Variants in DAPK2 observed in about 807,000 individuals in gnomAD.
The protein encoded by DAPK2 is death associated protein kinase 2.
A neutral mutation model predicts 44.1 loss-of-function variants in DAPK2; 35 were observed. The ratio of observed to expected loss-of-function variants is 0.79; its 90% CI spans 0.61 to 1.05. The LOEUF (loss-of-function observed/expected upper bound fraction) is 1.05, where lower values mean the gene tolerates loss of function less well. Among genes scored for constraint, DAPK2 ranks in the 50% least tolerant of loss-of-function variants. The pLI, the probability that DAPK2 is intolerant of heterozygous loss-of-function variation, is 0.00. For synonymous variants in DAPK2, 174 were observed against 182.6 expected (o/e 0.95, Z 0.38); for missense variants, 453 against 483.2 (o/e 0.94, Z 0.59).
At position 63,939,455 on chromosome 15, in the gene DAPK2, G is replaced by C. The variant is rs917369661; in HGVS notation, c.454-94C>G. 60 of 1,281,526 alleles carry C rather than the reference G, an allele frequency of 4.7e-5. No homozygotes were observed. The highest frequency in any genetic ancestry group is 6.2e-5 in the Non-Finnish European group (58 of 938,538). 79.4% of individuals were successfully genotyped at this position (1,281,526 alleles called of 1,614,324 possible). A position where few individuals can be genotyped will look rare whatever the true frequency, so the allele number is the denominator to read the frequency against. On this transcript the variant is annotated intron_variant, in intron 3 of 10. Transcript: ENST00000261891. The surrounding 1 kb of genome is among the most constrained non-coding windows in gnomAD (Gnocchi z 4.3). ...CTGGTTGGTTCGTGTTTTGGCTTTG[G>C]GGTTTGGGGTGGGACTTGGTGTTCT...
At chr15:63,937,477 G>C (rs1376920780) in intron 4 of DAPK2, among the ~76,000 whole-genome samples, 2 of 152,174 alleles carry the variant, frequency 1.3e-5, no homozygotes, top group East Asian at 3.8e-4. Flanking sequence ...CATTTGGAGT[G>C]GACAGTGACT....
At chr15:63,960,850 A>C (rs1402163860) in intron 3 of DAPK2, among the ~76,000 whole-genome samples, 1 of 129,106 alleles carries the variant, frequency 7.7e-6, no homozygotes, top group African/African-American at 2.8e-5. Context: ...AGTTCTGTAG[A>C]TGTCTATTAG....
At chr15:63,920,212 A>T (rs2079034049) in intron 8 of DAPK2, 1 of 152,324 alleles carries the variant, frequency 6.6e-6, no homozygotes, top group South Asian at 2.1e-4. Flanking sequence ...ACTGTTGGAC[A>T]TTACACTCTC....
intron 4 of DAPK2, among the ~76,000 whole-genome samples, chr15:63,934,749 G>A (rs1407389779): frequency 2.6e-5 from 4 of 152,100 alleles, no homozygotes; most frequent in African/African-American, 9.7e-5. Context: ...AGTAGAGGTG[G>A]GGTTTCACCA....
intron 1 of DAPK2, among the ~76,000 whole-genome samples, chr15:64,033,415 G>A (rs1398617032): frequency 6.6e-6 from 1 of 151,706 alleles, no homozygotes; most frequent in Non-Finnish European, 1.5e-5. Context: ...CATGATCCAC[G>A]GCACCTGGCC....
At chr15:64,029,419 G>T (rs991371135) in intron 1 of DAPK2, among the ~76,000 whole-genome samples, 1 of 152,058 alleles carries the variant, frequency 6.6e-6, no homozygotes, top group African/African-American at 2.4e-5. Context: ...CCCAAGCCTG[G>T]GCCTCTGCTC....
At chr15:64,043,584 C>A (rs2080393828), upstream of DAPK2, among the ~76,000 whole-genome samples, 1 of 152,140 alleles carries the variant, frequency 6.6e-6, no homozygotes, top group South Asian at 2.1e-4. Context: ...AGTGGCTATC[C>A]CCTCACTCAG....
intron 3 of DAPK2, among the ~76,000 whole-genome samples, chr15:63,950,041 C>G (rs1420427218): frequency 3.9e-5 from 6 of 152,206 alleles, no homozygotes; most frequent in Middle Eastern, 6.3e-3. Flanking sequence ...CAGTCTCATC[C>G]TAACAGATCT....
intron 5 of DAPK2, 88 bp from the exon 7 acceptor site, chr15:63,929,665 G>A (rs1448509918): frequency 6.6e-7 from 1 of 1,518,470 alleles, no homozygotes; most frequent in Admixed American, 1.7e-5. Context: ...AGGGGAAGAG[G>A]TCACTTGCCT....
rs1476661585 is a variant in DAPK2 at position 63,923,172 on chromosome 15, G to C, written c.858+1644C>G. The C allele has an allele frequency of 1.3e-6, 2 of 1,535,848 alleles. No homozygotes were observed. Among genetic ancestry groups the C allele is most frequent in the African/African-American group, 1.4e-5 (1 of 73,132 alleles). The stretch of plus-strand genomic sequence containing the variant: ...GCCTCCACCAGGGCACGGCATCCCA[G>C]GTCGACCCGAGCCACGTCTTCCACC... On this transcript the variant is annotated intron_variant, in intron 8 of 10. Transcript: ENST00000261891. This position sits in a 1 kb window ranked among gnomAD's most constrained non-coding sequence, Gnocchi z 4.2.
chr15:63,907,157 C>T (rs893983447), exon 11 of DAPK2: 1 of 152,202 alleles, frequency 6.6e-6, no homozygotes, highest in African/African-American at 2.4e-5. Flanking sequence ...TTCCCCCTCC[C>T]ACTCCTGGGC....
intron 4 of DAPK2, among the ~76,000 whole-genome samples, chr15:63,934,144 T>A (rs577948722): frequency 6.6e-6 from 1 of 151,914 alleles, no homozygotes; most frequent in African/African-American, 2.4e-5. Context: ...CAAATTCTAA[T>A]ATAAATCAAC....
chr15:63,991,712 C>T (rs1349623541), intron 1 of DAPK2, among the ~76,000 whole-genome samples: 1 of 152,132 alleles, frequency 6.6e-6, no homozygotes, highest in African/African-American at 2.4e-5. Flanking sequence ...TAGATGATCC[C>T]AAAGAAGTTT....
chr15:63,937,623 T>C (rs2077199348), intron 4 of DAPK2, among the ~76,000 whole-genome samples: 1 of 152,152 alleles, frequency 6.6e-6, no homozygotes, highest in Non-Finnish European at 1.5e-5. Flanking sequence ...CCAGCCCTTT[T>C]CCTCTCACTC....
At chr15:63,969,699 C>T (rs919628130) in intron 3 of DAPK2, among the ~76,000 whole-genome samples, 1 of 151,516 alleles carries the variant, frequency 6.6e-6, no homozygotes, top group Non-Finnish European at 1.5e-5. Flanking sequence ...TGTGATCACA[C>T]CACTGTGTTC....
chr15:63,972,778 T>C lies in DAPK2; in HGVS notation c.315-1217A>G, dbSNP rs150350400. Reference sequence around the variant, plus strand: ...AATTGTTACTCAAAGGGAAGAAAGCTTAAAAGTATGCAAAATTCTCAGCCT... The same window carrying C: ...AATTGTTACTCAAAGGGAAGAAAGCCTAAAAGTATGCAAAATTCTCAGCCT... On this transcript the variant is annotated intron_variant, in intron 2 of 10. Transcript: ENST00000261891. 6.5e-3 allele frequency among the ~76,000 whole-genome samples: 997 copies of C among 152,298 alleles called. 10 individuals are homozygous for C. Among genetic ancestry groups the C allele is most frequent in the Middle Eastern group, 0.017 (5 of 294 alleles).
intron 1 of DAPK2, among the ~76,000 whole-genome samples, chr15:64,010,511 G>C (rs1470912909): frequency 2.6e-5 from 4 of 152,278 alleles, no homozygotes; most frequent in African/African-American, 7.2e-5. Flanking sequence ...TCAATGTGAT[G>C]ATGATCCCTA....
chr15:64,033,193 G>A (rs919037473), intron 1 of DAPK2, among the ~76,000 whole-genome samples: 48 of 151,016 alleles, frequency 3.2e-4, no homozygotes, highest in African/African-American at 9.8e-4. Context: ...CCAGGAGGTC[G>A]AGGCTGCAAT....
Position 64,040,100 on chromosome 15 carries a change from G to C in DAPK2, c.92+70C>G. 2.4e-6 allele frequency: 3 copies of C among 1,270,794 alleles called. No individual in the cohort carries two copies. In the Admixed American group the frequency reaches 5.1e-5, roughly 21 times the overall value. 78.7% of individuals were successfully genotyped at this position (1,270,794 alleles called of 1,614,324 possible). A position where few individuals can be genotyped will look rare whatever the true frequency, so the allele number is the denominator to read the frequency against. On this transcript the variant is annotated intron_variant, in intron 1 of 10. Transcript: ENST00000261891. The stretch of plus-strand genomic sequence containing the variant: ...GTGGCCCTGCCTTCCAACACCAACT[G>C]ACAACTGTGCCAGAAGAAGCATGAC...
Sources: gnomAD v4.1 joint callset for allele counts (sites outside exome capture counted in the v4.1 genomes callset) on GRCh38, gnomAD v4.1.1 for gene constraint, Gnocchi (gnomAD v3.1) non-coding constraint, MANE v1.5 for transcripts, NCBI Gene and HGNC (gene_info 2026-07-23, HGNC 2026-07-21) for gene names.